Variants in TSHR observed in about 807,000 individuals in gnomAD.
TSHR encodes the protein thyroid stimulating hormone receptor, also known as thyrotropin receptor.
In TSHR, 51 loss-of-function variants were observed where a neutral mutation model predicts 64.1. The observed-to-expected ratio is 0.80, with a 90% CI of 0.64 to 1.01. The LOEUF (loss-of-function observed/expected upper bound fraction) is 1.01, where lower values mean the gene tolerates loss of function less well. Ranked by LOEUF, TSHR falls within the 50% of genes least tolerant of loss-of-function variation. TSHR has a pLI of 0.00. For missense variants in TSHR, 877 were observed against 942.8 expected (o/e 0.93, Z 0.91); for synonymous variants, 361 against 361.9 (o/e 1.00, Z 0.03).
At chr14:81,108,736 A>C in intron 8 of TSHR, 1 of 1,612,414 alleles carries the variant, frequency 6.2e-7, no homozygotes, top group Non-Finnish European at 8.5e-7. Context: ...CTGTTCATGG[A>C]GCAGCTGCTG....
chr14:81,044,657 C>CAAAAA (rs147382752), intron 1 of TSHR, among the ~76,000 whole-genome samples: 2 of 113,532 alleles, frequency 1.8e-5, no homozygotes, highest in African/African-American at 3.7e-5. Context: ...GACTCTGTCT[C>CAAAAA]AAAAAAAAAA....
At position 81,139,766 on chromosome 14, in the gene TSHR, T is replaced by C. The variant is rs1891605570; in HGVS notation, c.780T>C (p.Leu260=). ...TGATAGCAAGAAACACCTGGACTCT[T>C]AAGAAACTTCCACTTTCCTTGAGTT... The part of the protein sequence containing the change: ...KELIARNTWT[L]KKLPLSLSFL... Residue 260 remains leucine (L), a synonymous_variant, in exon 9 of 10, where the codon CTT becomes CTC. Coordinates refer to ENST00000298171, the MANE Select transcript of TSHR (RefSeq NM_000369.5). The C allele has an allele frequency of 6.2e-7, 1 of 1,614,124 alleles. No individual in the cohort carries two copies. Among genetic ancestry groups the C allele is most frequent in the African/African-American group, 1.3e-5 (1 of 74,928 alleles).
Position 81,072,945 on chromosome 14 carries a change from C to T in TSHR, c.317+4617C>T, listed in dbSNP as rs1368441904. Among the ~76,000 whole-genome samples the T allele has an allele frequency of 6.1e-5, 7 of 114,718 alleles. No homozygotes were observed. The South Asian group carries it at 1.7e-3, about 27-fold the overall frequency. 75.3% of individuals were successfully genotyped at this position (114,718 alleles called of 152,430 possible). A position where few individuals can be genotyped will look rare whatever the true frequency, so the allele number is the denominator to read the frequency against. On this transcript the variant is annotated intron_variant, in intron 3 of 9. Transcript: ENST00000298171. Reference sequence around the variant, plus strand: ...CCGGGAGGCGGAGCTTGCAGTGAGCCGAGATCCCGCCACTGCACTCCAGCC... The same window carrying T: ...CCGGGAGGCGGAGCTTGCAGTGAGCTGAGATCCCGCCACTGCACTCCAGCC...
At chr14:80,992,954 G>A (rs552977082) in intron 1 of TSHR, 12 of 152,276 alleles carry the variant, frequency 7.9e-5, no homozygotes, top group African/African-American at 1.7e-4. Context: ...CTTGTGGGTC[G>A]AATCACATTT....
chr14:81,024,128 AT>A (rs1285490163), intron 1 of TSHR, among the ~76,000 whole-genome samples: 1 of 152,078 alleles, frequency 6.6e-6, no homozygotes, highest in Non-Finnish European at 1.5e-5. Flanking sequence ...CTATCACACC[AT>A]CTTTTGCTGG....
intron 1 of TSHR, among the ~76,000 whole-genome samples, chr14:81,019,026 TGAAAA>T (rs1206881596): frequency 6.6e-6 from 1 of 151,790 alleles, no homozygotes; most frequent in Non-Finnish European, 1.5e-5. Context: ...GCAGAAGAAA[TGAAAA>T]GAAAAAGGCA....
chr14:81,086,021 T>C (rs770627689), intron 3 of TSHR, among the ~76,000 whole-genome samples: 2 of 152,198 alleles, frequency 1.3e-5, no homozygotes, highest in African/African-American at 2.4e-5. Context: ...TGAAAGATTG[T>C]ATAAAGAGGA....
intron 3 of TSHR, among the ~76,000 whole-genome samples, chr14:81,079,217 A>C (rs1263727694): frequency 6.6e-6 from 1 of 152,214 alleles, no homozygotes; most frequent in Non-Finnish European, 1.5e-5. Context: ...ATGATGAAAC[A>C]CTGGACACTT....
intron 8 of TSHR, among the ~76,000 whole-genome samples, chr14:81,138,213 C>T (rs1595170541): frequency 8.1e-6 from 1 of 124,020 alleles, no homozygotes; most frequent in East Asian, 2.3e-4. Flanking sequence ...TTTTTTGAGA[C>T]AGAGTCTCAC....
chr14:81,039,626 G>A (rs1884824409), intron 1 of TSHR, among the ~76,000 whole-genome samples: 1 of 151,822 alleles, frequency 6.6e-6, no homozygotes, highest in South Asian at 2.1e-4. Flanking sequence ...TAGTAAAGTT[G>A]CAGGATACAA....
At chr14:81,069,057 A>G (rs1886869240) in intron 3 of TSHR, among the ~76,000 whole-genome samples, 1 of 152,162 alleles carries the variant, frequency 6.6e-6, no homozygotes, top group Non-Finnish European at 1.5e-5. Context: ...CATGAACTCT[A>G]TTTTCTTGAT....
intron 1 of TSHR, among the ~76,000 whole-genome samples, chr14:80,963,336 G>T (rs1448630014): frequency 6.6e-6 from 1 of 152,144 alleles, no homozygotes; most frequent in Non-Finnish European, 1.5e-5. Context: ...ACCATCCACT[G>T]GTTTCCAGGT....
chr14:80,998,146 C>CA (rs1353808682), intron 1 of TSHR, among the ~76,000 whole-genome samples: 2 of 151,764 alleles, frequency 1.3e-5, no homozygotes, highest in African/African-American at 4.8e-5. Flanking sequence ...GACAAAAGGA[C>CA]AAAAAAAATT....
intron 8 of TSHR, among the ~76,000 whole-genome samples, chr14:81,124,962 C>T (rs1045668326): frequency 1.3e-5 from 2 of 152,072 alleles, no homozygotes; most frequent in African/African-American, 4.8e-5. Flanking sequence ...CTCTGCCAAC[C>T]CTAGTGCAAA....
chr14:81,143,562 G>A lies in TSHR; in HGVS notation c.1504G>A (p.Val502Ile). ...GTGCAACACGGCTGGTTTCTTCACT[G>A]TCTTTGCAAGCGAGTTATCGGTGTA... ...PGCNTAGFFT[V>I]FASELSVYTL... The change falls in exon 10 of 10, where the codon GTC becomes ATC. Residue 502 changes from valine (V) to isoleucine (I), a missense_variant. By Grantham distance (29) the Val-to-Ile change is conservative. Coordinates refer to ENST00000298171, the MANE Select transcript of TSHR (RefSeq NM_000369.5). 6.2e-7 allele frequency: 1 copy of A among 1,613,222 alleles called. No homozygotes were observed. Among genetic ancestry groups the A allele is most frequent in the Non-Finnish European group, 8.5e-7 (1 of 1,180,040 alleles).
chr14:81,066,083 TCCTGCCAGTTGTCTTCAC>T (rs1163226884), intron 2 of TSHR, among the ~76,000 whole-genome samples: 1 of 152,150 alleles, frequency 6.6e-6, no homozygotes, highest in Admixed American at 6.5e-5. Flanking sequence ...AATAAACGAT[TCCTGCCAGTTGTCTTCAC>T]AACCAAGCAA....
intron 1 of TSHR, among the ~76,000 whole-genome samples, chr14:80,957,644 G>A (rs769913316): frequency 1.3e-5 from 2 of 152,154 alleles, no homozygotes; most frequent in African/African-American, 4.8e-5. Context: ...AAAGGAACTC[G>A]TAGACATCCT....
At chr14:81,028,012 A>G (rs544534288) in intron 1 of TSHR, among the ~76,000 whole-genome samples, 1 of 152,280 alleles carries the variant, frequency 6.6e-6, no homozygotes, top group South Asian at 2.1e-4. Context: ...AAAGAAAAGC[A>G]AGAAGATGGA....
intron 1 of TSHR, among the ~76,000 whole-genome samples, chr14:81,030,937 T>G (rs1884317335): frequency 6.6e-6 from 1 of 152,178 alleles, no homozygotes; most frequent in African/African-American, 2.4e-5. Flanking sequence ...CCAGGGCATA[T>G]ACCATGTTTT....
Sources: gnomAD v4.1 joint callset for allele counts (sites outside exome capture counted in the v4.1 genomes callset) on GRCh38, gnomAD v4.1.1 for gene constraint, MANE v1.5 for transcripts, NCBI Gene and HGNC (gene_info 2026-07-23, HGNC 2026-07-21) for gene names.